Variants in CCDC12 observed in about 807,000 individuals in gnomAD.
The protein encoded by CCDC12 is coiled-coil domain-containing protein 12.
Under a neutral mutation model 25.7 loss-of-function variants are expected in CCDC12, and 28 were observed. That is an observed-to-expected ratio of 1.09 (90% confidence interval 0.81 to 1.50). CCDC12 has a LOEUF of 1.50. CCDC12 is among the 40% of genes most tolerant of loss of function. CCDC12 has a pLI of 0.00. For synonymous variants in CCDC12, 75 were observed against 87.7 expected (o/e 0.86, Z 0.81); for missense variants, 198 against 210.0 (o/e 0.94, Z 0.35).
chr3:46,937,802 C>A (rs1305183226), intron 2 of CCDC12, among the ~76,000 whole-genome samples: 1 of 152,230 alleles, frequency 6.6e-6, no homozygotes, highest in Non-Finnish European at 1.5e-5. Flanking sequence ...CCACATAGGT[C>A]TGGCCCTGTG....
At position 46,932,670 on chromosome 3, in the gene CCDC12, T is replaced by G. The variant is rs73831411; in HGVS notation, c.165-7135A>C. 1.5e-3 allele frequency among the ~76,000 whole-genome samples: 224 copies of G among 152,282 alleles called. 3 individuals are homozygous for G. Among genetic ancestry groups the G allele is most frequent in the African/African-American group, 4.7e-3 (195 of 41,552 alleles). ...GGCAGGACAGGGCCACATCACAGCC[T>G]CAGGGGGTGGACAGGCCTCCAAGCA... On this transcript the variant is annotated intron_variant, in intron 2 of 6. Transcript: ENST00000683445.
intron 1 of CCDC12, among the ~76,000 whole-genome samples, chr3:46,956,764 T>TC (rs1553650109): frequency 6.6e-6 from 1 of 151,726 alleles, no homozygotes; most frequent in South Asian, 2.1e-4. Flanking sequence ...GAGGCTGCAG[T>TC]GAGATTGCAC....
intron 1 of CCDC12, among the ~76,000 whole-genome samples, chr3:46,970,055 A>G (rs2034759293): frequency 6.6e-6 from 1 of 151,948 alleles, no homozygotes; most frequent in South Asian, 2.1e-4. Flanking sequence ...TAAGTGCACG[A>G]CACCATTCCA....
At chr3:46,944,043 G>A (rs1244591532) in intron 1 of CCDC12, among the ~76,000 whole-genome samples, 1 of 152,218 alleles carries the variant, frequency 6.6e-6, no homozygotes, top group East Asian at 1.9e-4. Flanking sequence ...TGCTGCCCGG[G>A]ATAGTGGAGG....
chr3:46,963,476 T>C (rs1479416022), intron 1 of CCDC12, among the ~76,000 whole-genome samples: 1 of 151,504 alleles, frequency 6.6e-6, no homozygotes, highest in Non-Finnish European at 1.5e-5. Context: ...TCCCTCTCCC[T>C]CTCTTTCCAC....
intron 1 of CCDC12, among the ~76,000 whole-genome samples, chr3:46,956,763 G>GTGAGC (rs142969378): frequency 4.4e-4 from 6 of 13,666 alleles, no homozygotes; most frequent in South Asian, 0.11. Flanking sequence ...TGAGGCTGCA[G>GTGAGC]TGAGATTGCA....
In CCDC12 at chr3:46,925,682, T is replaced by A. The variant is rs2032924210; in HGVS notation, c.165-147A>T. On this transcript the variant is annotated intron_variant, in intron 2 of 6. Transcript: ENST00000683445. Reference sequence around the variant, plus strand: ...CCTGGTAAGGAGGAGAAGCACAGAATGGAGTGTCATCAGGCAGGCCCCTTG... The same window carrying A: ...CCTGGTAAGGAGGAGAAGCACAGAAAGGAGTGTCATCAGGCAGGCCCCTTG... 9 of 740,570 alleles carry A rather than the reference T, an allele frequency of 1.2e-5. No homozygotes were observed. The Admixed American group carries it at 2.4e-4, about 20-fold the overall frequency. The allele number at this position is 740,570 out of a possible 1,614,324, so 45.9% of individuals were successfully genotyped here. A position where few individuals can be genotyped will look rare whatever the true frequency, so the allele number is the denominator to read the frequency against.
intron 1 of CCDC12, among the ~76,000 whole-genome samples, chr3:46,953,604 C>A (rs993950083): frequency 2.0e-5 from 3 of 151,562 alleles, no homozygotes; most frequent in African/African-American, 4.9e-5. Context: ...GGCACTCAGG[C>A]CTGACACAGC....
chr3:46,930,713 C>A (rs148994838), intron 2 of CCDC12, among the ~76,000 whole-genome samples: 107 of 152,320 alleles, frequency 7.0e-4, no homozygotes, highest in African/African-American at 2.4e-3. Flanking sequence ...AGCCTGCTCA[C>A]CCCCTCAGCT....
chr3:46,925,218 G>A, intron 3 of CCDC12: 1 of 684,580 alleles, frequency 1.5e-6, no homozygotes, highest in Non-Finnish European at 2.7e-6. Flanking sequence ...GGAGGCCTCG[G>A]TCTCAGGGTG....
At chr3:46,936,926 C>T (rs563913549) in intron 2 of CCDC12, among the ~76,000 whole-genome samples, 3 of 152,146 alleles carry the variant, frequency 2.0e-5, no homozygotes, top group East Asian at 3.9e-4. Context: ...GCTGAGTGGC[C>T]GTGTGGGATG....
intron 1 of CCDC12, among the ~76,000 whole-genome samples, chr3:46,967,162 A>C (rs994366673): frequency 2.6e-5 from 4 of 152,126 alleles, no homozygotes; most frequent in Non-Finnish European, 5.9e-5. Context: ...GGCCAAAGCC[A>C]GACTCTTGCC....
chr3:46,929,328 A>G (rs2033107409), intron 2 of CCDC12, among the ~76,000 whole-genome samples: 2 of 152,242 alleles, frequency 1.3e-5, no homozygotes, highest in South Asian at 4.1e-4. Context: ...ATAAAAAAGG[A>G]AAGTCAAGAA....
At chr3:46,928,086 T>C (rs1276955366) in intron 2 of CCDC12, among the ~76,000 whole-genome samples, 1 of 152,144 alleles carries the variant, frequency 6.6e-6, no homozygotes, top group Non-Finnish European at 1.5e-5. Context: ...CGGTCTCTAC[T>C]AAAAATACAA....
chr3:46,978,078 C>G (rs985017551), upstream of CCDC12, among the ~76,000 whole-genome samples: 2 of 152,212 alleles, frequency 1.3e-5, no homozygotes, highest in Admixed American at 6.5e-5. Context: ...CTCCCTGAGT[C>G]TTCCCTTCCC....
chr3:46,976,855 T>C, upstream of CCDC12: 1 of 1,473,694 alleles, frequency 6.8e-7, no homozygotes. Flanking sequence ...TGAAAGCCAA[T>C]CAATGCGGGG....
upstream of CCDC12, chr3:46,979,862 A>G (rs2107227961): frequency 2.1e-6 from 1 of 468,372 alleles, no homozygotes; most frequent in Non-Finnish European, 3.8e-6. Context: ...GGGCCGGGCC[A>G]TGGCCGCCTC....
intron 1 of CCDC12, among the ~76,000 whole-genome samples, chr3:46,962,181 C>CT (rs2034483143): frequency 6.6e-6 from 1 of 152,094 alleles, no homozygotes; most frequent in Admixed American, 6.6e-5. Flanking sequence ...CGTCTGTAAT[C>CT]TCAGCACTTT....
At chr3:46,967,582 T>TCC (rs1293067051) in intron 1 of CCDC12, among the ~76,000 whole-genome samples, 1 of 152,146 alleles carries the variant, frequency 6.6e-6, no homozygotes, top group East Asian at 1.9e-4. Context: ...GCACAGCCTC[T>TCC]CCCCAACACA....
Sources: allele counts gnomAD v4.1 joint callset (sites outside exome capture counted in the v4.1 genomes callset), GRCh38; gene constraint gnomAD v4.1.1; transcripts MANE v1.5; gene names NCBI Gene and HGNC (gene_info 2026-07-23, HGNC 2026-07-21).